The following FAT3 variants were observed in gnomAD, a reference collection of about 807,000 sequenced individuals.
FAT3 encodes FAT atypical cadherin 3, also known as protocadherin Fat 3.
FAT3 carries 95 observed loss-of-function variants against 310.2 expected under a neutral mutation model. The observed-to-expected ratio is 0.31, with a 90% CI of 0.26 to 0.36. FAT3 has a LOEUF of 0.36. Ranked by LOEUF, FAT3 falls within the 10% of genes least tolerant of loss-of-function variation. The pLI is 1.00. For missense variants in FAT3, 5,408 were observed against 5,715.6 expected, an observed-to-expected ratio of 0.95 and a Z score of 1.74; for synonymous variants, 2,314 against 2,192.9, an observed-to-expected ratio of 1.06 and a Z score of -1.54.
intron 2 of FAT3, among the ~76,000 whole-genome samples, chr11:92,468,230 A>G (rs1234468371): frequency 6.6e-6 from 1 of 152,202 alleles, no homozygotes; most frequent in Non-Finnish European, 1.5e-5. Context: ...TAGCCCTGTA[A>G]TAACAGAAAA....
intron 2 of FAT3, among the ~76,000 whole-genome samples, chr11:92,482,657 T>C (rs550535482): frequency 3.9e-5 from 6 of 152,286 alleles, no homozygotes; most frequent in African/African-American, 1.4e-4. Flanking sequence ...CTCTCAGCTC[T>C]GCAGTTCTGG....
At chr11:92,550,702 TCTC>T (rs1954781582) in intron 3 of FAT3, among the ~76,000 whole-genome samples, 1 of 151,546 alleles carries the variant, frequency 6.6e-6, no homozygotes, top group South Asian at 2.1e-4. Flanking sequence ...ATTACCCAAA[TCTC>T]CTGCCAAGTG....
Position 92,354,384 on chromosome 11 carries a change from A to G in FAT3, c.2272A>G (p.Asn758Asp), listed in dbSNP as rs1374749594. Residue 758 changes from asparagine (N) to aspartate (D), a missense_variant, in exon 2 of 28, where the codon AAT (asparagine) becomes GAT (aspartate). Transcript: ENST00000525166. ...AGCCTATGATGCCGACTCTGGCTTC[A>G]ATGGAAAAGTGCTATTTACAATATC... The part of the protein sequence containing the change: ...IKAYDADSGF[N>D]GKVLFTISDG... 1 of 1,613,950 alleles carries G rather than the reference A, an allele frequency of 6.2e-7. No individual in the cohort carries two copies. The highest frequency in any genetic ancestry group is 8.5e-7 in the Non-Finnish European group (1 of 1,179,864).
At chr11:92,553,008 A>G (rs1954875544) in intron 3 of FAT3, among the ~76,000 whole-genome samples, 1 of 152,014 alleles carries the variant, frequency 6.6e-6, no homozygotes, top group Non-Finnish European at 1.5e-5. Context: ...AATAGAGGAA[A>G]TATGGAAGGA....
intron 2 of FAT3, among the ~76,000 whole-genome samples, chr11:92,367,940 C>T (rs762107542): frequency 6.6e-5 from 10 of 152,116 alleles, no homozygotes; most frequent in Non-Finnish European, 1.5e-4. Flanking sequence ...CATACTATTG[C>T]GAATGCCTGC....
intron 4 of FAT3, among the ~76,000 whole-genome samples, chr11:92,726,035 T>G (rs944702034): frequency 6.6e-6 from 1 of 152,150 alleles, no homozygotes; most frequent in African/African-American, 2.4e-5. Flanking sequence ...TTTAAGGTGA[T>G]GGATATCTCA....
intron 2 of FAT3, among the ~76,000 whole-genome samples, chr11:92,442,496 A>G (rs1951099436): frequency 6.6e-6 from 1 of 152,080 alleles, no homozygotes; most frequent in African/African-American, 2.4e-5. Context: ...AAACTAATAA[A>G]TAAAATGCAT....
chr11:92,483,050 A>G (rs1270181150), intron 2 of FAT3, among the ~76,000 whole-genome samples: 1 of 152,212 alleles, frequency 6.6e-6, no homozygotes, highest in East Asian at 1.9e-4. Context: ...ACACTGGCAC[A>G]GCTAGTTATT....
rs139720331 is a variant in FAT3 at position 92,302,788 on chromosome 11, G to A, written c.-17-49308G>A. Among the ~76,000 whole-genome samples, 632 of 152,130 alleles carry A rather than the reference G, an allele frequency of 4.2e-3. 7 individuals are homozygous for A. The highest frequency in any genetic ancestry group is 0.014 in the African/African-American group (602 of 41,520). ...TGGTGTTGATTAATTTTCTGGTAGT[G>A]TTATGTTAATAAGATTTCAAGGAAG... On this transcript the variant is annotated intron_variant, in intron 1 of 27. Coordinates refer to ENST00000525166, the MANE Select transcript of FAT3 (RefSeq NM_001367949.2).
At chr11:92,713,716 G>A (rs948545433) in intron 4 of FAT3, among the ~76,000 whole-genome samples, 2 of 152,102 alleles carry the variant, frequency 1.3e-5, no homozygotes, top group Non-Finnish European at 1.5e-5. Context: ...TCAGAAAATT[G>A]AAGGCTAGTT....
intron 7 of FAT3, among the ~76,000 whole-genome samples, chr11:92,783,282 T>C (rs933044433): frequency 7.6e-6 from 1 of 131,814 alleles, no homozygotes; most frequent in African/African-American, 2.9e-5. Flanking sequence ...CACTTGAATC[T>C]GGGAGGCAGA....
In FAT3 at chr11:92,847,890, T is replaced by C. The variant is rs114847640; in HGVS notation, c.11365+3158T>C. On this transcript the variant is annotated intron_variant, in intron 19 of 27. Coordinates refer to ENST00000525166, the MANE Select transcript of FAT3 (RefSeq NM_001367949.2). ...CTTGTTTATTGGAAAGGAAAAATAATTGAATTCAATAAATGCCCCTCCCCC... is the reference window on the plus strand; with the variant it reads ...CTTGTTTATTGGAAAGGAAAAATAACTGAATTCAATAAATGCCCCTCCCCC... Among the ~76,000 whole-genome samples, 1,162 of 151,870 alleles carry C rather than the reference T, an allele frequency of 7.7e-3. 13 individuals carry two copies. The highest frequency in any genetic ancestry group is 0.026 in the African/African-American group (1,062 of 41,306).
chr11:92,770,928 T>C (rs1424239894), intron 6 of FAT3, among the ~76,000 whole-genome samples: 1 of 152,166 alleles, frequency 6.6e-6, no homozygotes, highest in Non-Finnish European at 1.5e-5. Flanking sequence ...TAGAATCCAA[T>C]AGAAATCCAT....
intron 2 of FAT3, among the ~76,000 whole-genome samples, chr11:92,399,248 A>G (rs922736774): frequency 6.6e-6 from 1 of 152,170 alleles, no homozygotes; most frequent in Non-Finnish European, 1.5e-5. Context: ...ATCAGACATC[A>G]TGTTTCTTGC....
At position 92,722,386 on chromosome 11, in the gene FAT3, C is replaced by T. The variant is rs190848284; in HGVS notation, c.3669+24941C>T. On this transcript the variant is annotated intron_variant, in intron 4 of 27. Coordinates refer to ENST00000525166, the MANE Select transcript of FAT3 (RefSeq NM_001367949.2). ...GTCATGCTGATACAAGGGGTGGGCTCCCATGGCCCTGGGCAGCTCTGCCTC... is the reference window on the plus strand; with the variant it reads ...GTCATGCTGATACAAGGGGTGGGCTTCCATGGCCCTGGGCAGCTCTGCCTC... Among the ~76,000 whole-genome samples, 202 of 152,312 alleles carry T rather than the reference C, an allele frequency of 1.3e-3. 1 individual carries two copies. The highest frequency in any genetic ancestry group is 4.7e-3 in the African/African-American group (196 of 41,560).
intron 4 of FAT3, among the ~76,000 whole-genome samples, chr11:92,746,915 A>G (rs1359446440): frequency 6.6e-6 from 1 of 152,200 alleles, no homozygotes; most frequent in East Asian, 1.9e-4. Context: ...GGCCTTGAGT[A>G]GCTCCACTCC....
chr11:92,355,200 G>C lies in FAT3; in HGVS notation c.3088G>C (p.Glu1030Gln). 6.2e-7 allele frequency: 1 copy of C among 1,613,786 alleles called. No individual in the cohort carries two copies. Among genetic ancestry groups the C allele is most frequent in the African/African-American group, 1.3e-5 (1 of 75,034 alleles). ...GTCATCTGTTTCCTTTGTTGAGGTG[G>C]AAGTGGTGGATGTCAATGAAAACCT... The part of the protein sequence containing the change: ...SLSSVSFVEV[E>Q]VVDVNENLHT... The change falls in exon 2 of 28, where the codon GAA becomes CAA. Residue 1030 changes from glutamate to glutamine, a missense_variant. Physicochemically the swap from Glu to Gln is conservative, Grantham distance 29 (BLOSUM62 2). Transcript: ENST00000525166.
rs77378136 is a variant in FAT3 at position 92,356,482 on chromosome 11, G to A, written c.3292+1078G>A. On this transcript the variant is annotated intron_variant, in intron 2 of 27. Transcript: ENST00000525166. ...AACAGACATTTATTTCTCATAGTTC[G>A]GGAGGCTGGAAGTCCAAGATCAGGG... Among the ~76,000 whole-genome samples the A allele has an allele frequency of 7.9e-3, 1,196 of 152,210 alleles. 22 individuals carry two copies. The highest frequency in any genetic ancestry group is 0.028 in the African/African-American group (1,144 of 41,532).
At chr11:92,402,808 G>A (rs1950048901) in intron 2 of FAT3, among the ~76,000 whole-genome samples, 1 of 148,770 alleles carries the variant, frequency 6.7e-6, no homozygotes, top group South Asian at 2.1e-4. Context: ...AGTCCAAGAA[G>A]CTCAGGGAAC....
Sources: allele counts gnomAD v4.1 joint callset (sites outside exome capture counted in the v4.1 genomes callset), GRCh38; gene constraint gnomAD v4.1.1; transcripts MANE v1.5; gene names NCBI Gene and HGNC (gene_info 2026-07-23, HGNC 2026-07-21).